Variants in CHODL observed in about 807,000 individuals in gnomAD.
The protein encoded by CHODL is chondrolectin.
Under a neutral mutation model 34.5 loss-of-function variants are expected in CHODL, and 29 were observed. The ratio of observed to expected loss-of-function variants is 0.84; its 90% CI spans 0.63 to 1.15. The LOEUF (loss-of-function observed/expected upper bound fraction) is 1.15, where lower values mean the gene tolerates loss of function less well. Among genes scored for constraint, CHODL ranks in the 50% most tolerant of loss-of-function variants. The pLI is 0.00. For synonymous variants in CHODL, 125 were observed against 116.1 expected (o/e 1.08, Z -0.49); for missense variants, 332 against 332.5 (o/e 1.00, Z 0.01).
chr21:18,097,619 A>G (rs1467048524), intron 2 of CHODL, among the ~76,000 whole-genome samples: 4 of 152,170 alleles, frequency 2.6e-5, no homozygotes, highest in Admixed American at 2.0e-4. Context: ...GGAAGAATTA[A>G]TATTATTAAA....
intron 2 of CHODL, among the ~76,000 whole-genome samples, chr21:18,094,742 C>CAA (rs3984979): frequency 0.35 from 44,601 of 126,054 alleles, 8,977 homozygotes; most frequent in Non-Finnish European, 0.49. Flanking sequence ...ATGTCTACAT[C>CAA]AAAAAAAAAA....
At chr21:18,264,995 A>G (rs979736526) in intron 5 of CHODL, among the ~76,000 whole-genome samples, 1 of 152,070 alleles carries the variant, frequency 6.6e-6, no homozygotes, top group African/African-American at 2.4e-5. Context: ...TTCAGCATCC[A>G]TTAGTGACAG....
At chr21:18,258,784 T>C (rs975004218) in intron 3 of CHODL, among the ~76,000 whole-genome samples, 4 of 152,138 alleles carry the variant, frequency 2.6e-5, no homozygotes, top group Non-Finnish European at 5.9e-5. Flanking sequence ...TTTTGTCTTT[T>C]TATTTATATT....
chr21:18,187,972 A>G lies in CHODL; in HGVS notation c.-44-68537A>G, dbSNP rs553421042. Among the ~76,000 whole-genome samples the G allele has an allele frequency of 2.6e-5, 4 of 152,228 alleles. No homozygotes were observed. In the East Asian group the frequency reaches 7.7e-4, roughly 29 times the overall value. On this transcript the variant is annotated intron_variant, in intron 2 of 6. Coordinates refer to the CHODL transcript ENST00000400127. The stretch of plus-strand genomic sequence containing the variant: ...CTTTTTCTGTACTTCCTCATTACCA[A>G]ACTCAGATTAGTGAGTTTGGAATGA...
chr21:18,190,637 G>A (rs2073499652), intron 2 of CHODL, among the ~76,000 whole-genome samples: 1 of 152,164 alleles, frequency 6.6e-6, no homozygotes, highest in East Asian at 1.9e-4. Context: ...ACTAATGGTA[G>A]TGTGTACAAT....
chr21:17,932,544 G>A (rs553582353), intron 1 of CHODL, among the ~76,000 whole-genome samples: 8 of 152,302 alleles, frequency 5.3e-5, no homozygotes, highest in South Asian at 2.1e-4. Flanking sequence ...TAGCAAAGTC[G>A]TGAAATCAGC....
At chr21:18,170,460 A>C (rs997469493) in intron 2 of CHODL, among the ~76,000 whole-genome samples, 3 of 152,018 alleles carry the variant, frequency 2.0e-5, no homozygotes, top group Admixed American at 6.5e-5. Flanking sequence ...TTTATTTTCT[A>C]TAAGTTTTAT....
chr21:18,103,323 G>A (rs1280914052), intron 2 of CHODL, among the ~76,000 whole-genome samples: 2 of 152,062 alleles, frequency 1.3e-5, no homozygotes, highest in African/African-American at 4.8e-5. Flanking sequence ...CTCAGTAGAG[G>A]TACTAAGAAA....
intron 1 of CHODL, among the ~76,000 whole-genome samples, chr21:17,987,911 A>G (rs1159099444): frequency 6.6e-6 from 1 of 152,204 alleles, no homozygotes; most frequent in Admixed American, 6.5e-5. Context: ...GCCATCTGAC[A>G]TTATACTCAT....
chr21:18,102,631 T>A (rs187818693), intron 2 of CHODL, among the ~76,000 whole-genome samples: 1 of 152,332 alleles, frequency 6.6e-6, no homozygotes, highest in East Asian at 1.9e-4. Context: ...GTGTATATAA[T>A]GCATAGCTCT....
intron 2 of CHODL, among the ~76,000 whole-genome samples, chr21:18,083,999 C>T (rs1057363598): frequency 1.3e-5 from 2 of 152,190 alleles, no homozygotes; most frequent in African/African-American, 4.8e-5. Flanking sequence ...TGGTTTCGCT[C>T]TGTGTCCCCA....
Position 17,921,450 on chromosome 21 carries a change from C to T in CHODL, c.-145+4050C>T, listed in dbSNP as rs184534131. On this transcript the variant is annotated intron_variant, in intron 1 of 6. Coordinates refer to the CHODL transcript ENST00000400127. ...GCCCCTTATAGGCAGGGGGTCTAACCCTCTTGTGTACAATCTTCCATGCTT... is the reference window on the plus strand; with the variant it reads ...GCCCCTTATAGGCAGGGGGTCTAACTCTCTTGTGTACAATCTTCCATGCTT... Among the ~76,000 whole-genome samples the T allele has an allele frequency of 9.5e-4, 144 of 152,268 alleles. 1 individual carries two copies. The highest frequency in any genetic ancestry group is 1.4e-3 in the Non-Finnish European group (96 of 68,022).
intron 2 of CHODL, among the ~76,000 whole-genome samples, chr21:18,200,791 G>A (rs192036491): frequency 1.3e-5 from 2 of 152,230 alleles, no homozygotes; most frequent in African/African-American, 2.4e-5. Flanking sequence ...CCTTAAATCC[G>A]ATGACTTGTA....
At chr21:17,926,100 G>A (rs1026724385) in intron 1 of CHODL, among the ~76,000 whole-genome samples, 13 of 152,266 alleles carry the variant, frequency 8.5e-5, no homozygotes, top group East Asian at 1.9e-4. Flanking sequence ...CAGCAAAACC[G>A]CACTGCTCAG....
chr21:18,002,849 C>A (rs35053476), intron 1 of CHODL, among the ~76,000 whole-genome samples: 52,776 of 151,954 alleles, frequency 0.35, 10,413 homozygotes, highest in African/African-American at 0.55. Flanking sequence ...CCCGGCCGGG[C>A]GCTGTGGCTC....
In CHODL at chr21:18,170,661, AT is replaced by A. The variant is rs546939604; in HGVS notation, c.-44-85845del. On this transcript the variant is annotated intron_variant, in intron 2 of 6. Coordinates refer to the CHODL transcript ENST00000400127. Reference sequence around the variant, plus strand: ...AACTTAATTTCAATTGTATATCAAAATTTCACTCTTACATAACCTCATTTTC... The same window carrying A: ...AACTTAATTTCAATTGTATATCAAAATTCACTCTTACATAACCTCATTTTC... 2.8e-4 allele frequency among the ~76,000 whole-genome samples: 42 copies of A among 152,216 alleles called. 2 individuals are homozygous for A. The South Asian group carries it at 8.5e-3, about 31-fold the overall frequency.
At chr21:18,265,862 A>T in intron 5 of CHODL, 92 bp from the exon 6 acceptor site, 1 of 1,002,584 alleles carries the variant, frequency 1.0e-6, no homozygotes, top group Non-Finnish European at 1.4e-6. Context: ...GTCTTTCATA[A>T]ATAACTGTCT....
intron 2 of CHODL, among the ~76,000 whole-genome samples, chr21:18,062,574 T>G (rs1353813943): frequency 4.6e-5 from 7 of 152,010 alleles, no homozygotes; most frequent in Non-Finnish European, 7.4e-5. Flanking sequence ...GAGACCAGCC[T>G]GGCCAACATG....
chr21:18,207,069 G>A (rs1333032982), intron 2 of CHODL, among the ~76,000 whole-genome samples: 2 of 151,996 alleles, frequency 1.3e-5, no homozygotes, highest in Non-Finnish European at 2.9e-5. Context: ...GGTGTGTGAT[G>A]TTCCCCGCCC....
Sources: allele counts gnomAD v4.1 joint callset (sites outside exome capture counted in the v4.1 genomes callset), GRCh38; gene constraint gnomAD v4.1.1; transcripts MANE v1.5; gene names NCBI Gene and HGNC (gene_info 2026-07-23, HGNC 2026-07-21).